Variants in DOK6 observed in about 807,000 individuals in gnomAD.
DOK6 encodes the protein downstream of tyrosine kinase 6.
A neutral mutation model predicts 44.0 loss-of-function variants in DOK6; 22 were observed. The ratio of observed to expected loss-of-function variants is 0.50; its 90% CI spans 0.36 to 0.71. The LOEUF is 0.71. Among genes scored for constraint, DOK6 ranks in the 30% least tolerant of loss-of-function variants. The pLI, the probability that DOK6 is intolerant of heterozygous loss-of-function variation, is 0.00. For missense variants in DOK6, 340 were observed against 416.4 expected (o/e 0.82, Z 1.60); for synonymous variants, 166 against 145.5 (o/e 1.14, Z -1.01).
intron 2 of DOK6, among the ~76,000 whole-genome samples, chr18:69,585,348 A>G (rs1983474295): frequency 6.6e-6 from 1 of 152,036 alleles, no homozygotes; most frequent in South Asian, 2.1e-4. Context: ...ATAGGATATA[A>G]TTTGTATAAT....
In DOK6 at chr18:69,760,331, T is replaced by C. The variant is rs117333678; in HGVS notation, c.856+2458T>C. Among the ~76,000 whole-genome samples, 40 of 152,288 alleles carry C rather than the reference T, an allele frequency of 2.6e-4. No homozygotes were observed. The East Asian group carries it at 6.6e-3, about 25-fold the overall frequency. ...CACGTACGTTTTTCACAAAACTACA[T>C]TTAGAAGCCTAGTTATCCACTGAGT... is the stretch of plus-strand genomic sequence containing the variant. On this transcript the variant is annotated intron_variant, in intron 7 of 7. Coordinates refer to ENST00000382713, the MANE Select transcript of DOK6 (RefSeq NM_152721.6).
chr18:69,496,208 C>T lies in DOK6; in HGVS notation c.67-68279C>T, dbSNP rs182573489. Among the ~76,000 whole-genome samples the T allele has an allele frequency of 1.9e-3, 294 of 152,344 alleles. 1 individual carries two copies. Among genetic ancestry groups the T allele is most frequent in the Non-Finnish European group, 1.6e-3 (110 of 68,020 alleles). ...GAGATGTCACCGTCAACGAGGGAGGCCTGGGTTCACAGGCACAACCTGAGT... is the reference window on the plus strand; with the variant it reads ...GAGATGTCACCGTCAACGAGGGAGGTCTGGGTTCACAGGCACAACCTGAGT... On this transcript the variant is annotated intron_variant, in intron 1 of 7. Transcript: ENST00000382713.
Position 69,774,563 on chromosome 18 carries a change from C to T in DOK6, c.856+16690C>T, listed in dbSNP as rs1020374060. Among the ~76,000 whole-genome samples, 9 of 147,144 alleles carry T rather than the reference C, an allele frequency of 6.1e-5. No individual in the cohort carries two copies. The East Asian group carries it at 1.6e-3, about 27-fold the overall frequency. On this transcript the variant is annotated intron_variant, in intron 7 of 7. Transcript: ENST00000382713. ...GATCTCATGTTAAGTGTTCTTACCA[C>T]AGTTAAATTAATTTAACATTAAAAA...
intron 3 of DOK6, among the ~76,000 whole-genome samples, chr18:69,646,343 T>C (rs998201255): frequency 6.6e-5 from 10 of 152,212 alleles, no homozygotes; most frequent in Admixed American, 5.9e-4. Context: ...GCTTTCATTA[T>C]GTCTGCAGTT....
intron 1 of DOK6, among the ~76,000 whole-genome samples, chr18:69,484,294 C>CT (rs1170976164): frequency 6.6e-6 from 1 of 152,046 alleles, no homozygotes; most frequent in Non-Finnish European, 1.5e-5. Context: ...CTTTAAGTAA[C>CT]TAAGATACTT....
At chr18:69,540,022 T>C (rs902969703) in intron 1 of DOK6, among the ~76,000 whole-genome samples, 4 of 121,288 alleles carry the variant, frequency 3.3e-5, no homozygotes, top group Admixed American at 9.4e-5. Flanking sequence ...AAAGAATGCA[T>C]GTGTTGGAGG....
At chr18:69,529,837 T>C (rs1981934993) in intron 1 of DOK6, among the ~76,000 whole-genome samples, 1 of 152,230 alleles carries the variant, frequency 6.6e-6, no homozygotes, top group African/African-American at 2.4e-5. Context: ...GTATTTCATA[T>C]TTCACAATTC....
At chr18:69,749,378 T>G (rs1979093108) in intron 6 of DOK6, among the ~76,000 whole-genome samples, 1 of 152,184 alleles carries the variant, frequency 6.6e-6, no homozygotes, top group Non-Finnish European at 1.5e-5. Context: ...TGCAGCCATC[T>G]TCAATCTTTC....
chr18:69,700,206 C>CATATATATATATATATAT lies in DOK6; in HGVS notation c.599+1622_599+1623insTATATATATATATATATA, dbSNP rs1317738197. Among the ~76,000 whole-genome samples, 6 of 72,134 alleles carry CATATATATATATATATAT rather than the reference C, an allele frequency of 8.3e-5. No individual in the cohort carries two copies. The East Asian group carries it at 5.4e-3, about 65-fold the overall frequency. 47.3% of individuals were successfully genotyped at this position (72,134 alleles called of 152,430 possible). ...AGTCAAACCATATCAGTTAGTTTTA[C>CATATATATATATATATAT]ATATATATACATATATATATATATA... On this transcript the variant is annotated intron_variant, in intron 5 of 7. Coordinates refer to ENST00000382713, the MANE Select transcript of DOK6 (RefSeq NM_152721.6).
intron 3 of DOK6, among the ~76,000 whole-genome samples, chr18:69,676,128 G>C (rs144643770): frequency 6.6e-6 from 1 of 152,142 alleles, no homozygotes; most frequent in Non-Finnish European, 1.5e-5. Context: ...GACATAGTTT[G>C]ATAGTATGCC....
chr18:69,710,979 A>G (rs552380879), intron 5 of DOK6, among the ~76,000 whole-genome samples: 1 of 152,364 alleles, frequency 6.6e-6, no homozygotes, highest in East Asian at 1.9e-4. Context: ...TGCTGATCTT[A>G]GATCTGCCCT....
At chr18:69,531,246 T>C (rs2067245797) in intron 1 of DOK6, among the ~76,000 whole-genome samples, 1 of 147,220 alleles carries the variant, frequency 6.8e-6, no homozygotes, top group Non-Finnish European at 1.5e-5. Flanking sequence ...AGTATATATA[T>C]AATATATACT....
In DOK6 at chr18:69,641,213, C is replaced by CA. The variant is rs570011092; in HGVS notation, c.290-36512dup. Among the ~76,000 whole-genome samples the CA allele has an allele frequency of 6.5e-4, 81 of 123,886 alleles. No individual in the cohort carries two copies. The East Asian group carries it at 0.014, about 21-fold the overall frequency. The allele number at this position is 123,886 out of a possible 152,430, so 81.3% of individuals were successfully genotyped here. ...CTGGTGACAGAGCAAGACTCCGTCT[C>CA]AAAAAAAAAGAAAAAAAAAAAGAAC... is the stretch of plus-strand genomic sequence containing the variant. On this transcript the variant is annotated intron_variant, in intron 3 of 7. Transcript: ENST00000382713.
chr18:69,533,061 G>T (rs942629634), intron 1 of DOK6, among the ~76,000 whole-genome samples: 1 of 151,986 alleles, frequency 6.6e-6, no homozygotes, highest in Non-Finnish European at 1.5e-5. Flanking sequence ...AAAGAAATAA[G>T]AAGGAATATC....
intron 3 of DOK6, among the ~76,000 whole-genome samples, chr18:69,622,397 G>A (rs937536246): frequency 3.9e-5 from 6 of 152,182 alleles, no homozygotes; most frequent in Non-Finnish European, 7.3e-5. Flanking sequence ...TTCTTGGGCA[G>A]AATATGTCAC....
chr18:69,544,620 C>T (rs1455094364), intron 1 of DOK6, among the ~76,000 whole-genome samples: 1 of 151,458 alleles, frequency 6.6e-6, no homozygotes, highest in Non-Finnish European at 1.5e-5. Flanking sequence ...GCCACAGTTT[C>T]AAACCATACA....
intron 1 of DOK6, among the ~76,000 whole-genome samples, chr18:69,474,002 C>T (rs1409777487): frequency 6.6e-6 from 1 of 152,156 alleles, no homozygotes; most frequent in Non-Finnish European, 1.5e-5. Context: ...CCTTCAGACT[C>T]AATGACACAT....
chr18:69,548,285 T>C (rs1222609007), intron 1 of DOK6, among the ~76,000 whole-genome samples: 1 of 151,510 alleles, frequency 6.6e-6, no homozygotes, highest in Non-Finnish European at 1.5e-5. Context: ...CAGTTGTCCA[T>C]TGACGGACAC....
chr18:69,752,503 T>C (rs1052734505), intron 6 of DOK6, among the ~76,000 whole-genome samples: 2 of 152,194 alleles, frequency 1.3e-5, no homozygotes, highest in East Asian at 1.9e-4. Flanking sequence ...AGTATGGATA[T>C]AGTGAATACA....
Sources: gnomAD v4.1 joint callset for allele counts (sites outside exome capture counted in the v4.1 genomes callset) on GRCh38, gnomAD v4.1.1 for gene constraint, MANE v1.5 for transcripts, NCBI Gene and HGNC (gene_info 2026-07-23, HGNC 2026-07-21) for gene names.